The following ASIC2 variants were observed in gnomAD, a reference collection of about 807,000 sequenced individuals.
ASIC2 encodes the protein acid sensing ion channel subunit 2.
Under a neutral mutation model 57.3 loss-of-function variants are expected in ASIC2, and 25 were observed. That is an observed-to-expected ratio of 0.44 (90% confidence interval 0.32 to 0.61). The LOEUF (loss-of-function observed/expected upper bound fraction) is 0.61. Ranked by LOEUF, ASIC2 falls within the 20% of genes least tolerant of loss-of-function variation. The pLI, the probability that ASIC2 is intolerant of heterozygous loss-of-function variation, is 0.06. For synonymous variants in ASIC2, 319 were observed against 307.5 expected (o/e 1.04, Z -0.39); for missense variants, 641 against 738.1 (o/e 0.87, Z 1.52).
chr17:33,261,244 T>A (rs1597655595), intron 1 of ASIC2, among the ~76,000 whole-genome samples: 1 of 152,358 alleles, frequency 6.6e-6, no homozygotes, highest in East Asian at 1.9e-4. Context: ...ACCTACGCTC[T>A]TGAGCAAGAT....
At chr17:33,364,065 G>A (rs889906889) in intron 1 of ASIC2, among the ~76,000 whole-genome samples, 5 of 152,188 alleles carry the variant, frequency 3.3e-5, no homozygotes, top group African/African-American at 1.2e-4. Context: ...GGGAAACTGA[G>A]GCTCAGGGAG....
chr17:33,684,231 C>T (rs188992124), intron 1 of ASIC2, among the ~76,000 whole-genome samples: 9 of 152,264 alleles, frequency 5.9e-5, no homozygotes, highest in African/African-American at 1.9e-4. Context: ...CCTACATCTC[C>T]TGAAAATGCA....
At chr17:34,004,619 TC>T (rs2142017238) in intron 1 of ASIC2, 2 of 152,330 alleles carry the variant, frequency 1.3e-5, no homozygotes, top group South Asian at 4.1e-4. Context: ...AGACACTTAA[TC>T]TCTCTTGGCT....
Position 33,926,358 on chromosome 17 carries a change from T to G in ASIC2, c.555+229620A>C, listed in dbSNP as rs73274547. 3.7e-3 allele frequency among the ~76,000 whole-genome samples: 557 copies of G among 152,308 alleles called. 4 individuals are homozygous for G. Among genetic ancestry groups the G allele is most frequent in the African/African-American group, 0.011 (460 of 41,562 alleles). ...TATTTTGAATTTTGAACTTTTTTTT[T>G]GGGATTTTTGAATACATATTTGCAT... is the stretch of plus-strand genomic sequence containing the variant. On this transcript the variant is annotated intron_variant, in intron 1 of 9. Transcript: ENST00000359872.
intron 1 of ASIC2, among the ~76,000 whole-genome samples, chr17:33,171,424 C>G (rs1018184170): frequency 6.6e-6 from 1 of 152,210 alleles, no homozygotes; most frequent in Non-Finnish European, 1.5e-5. Flanking sequence ...ATCACACATC[C>G]AGTTGCACAA....
chr17:33,062,442 C>G (rs1379552257), intron 3 of ASIC2, among the ~76,000 whole-genome samples: 2 of 152,074 alleles, frequency 1.3e-5, no homozygotes, highest in African/African-American at 2.4e-5. Flanking sequence ...TCAGGAGCAG[C>G]TTGTTCAGTT....
intron 1 of ASIC2, among the ~76,000 whole-genome samples, chr17:33,540,944 T>C (rs894066222): frequency 3.3e-5 from 5 of 152,244 alleles, no homozygotes; most frequent in Non-Finnish European, 5.9e-5. Flanking sequence ...ATGTATATTC[T>C]TGATTTCTCA....
At chr17:33,297,457 G>T (rs1567814791), upstream of ASIC2, among the ~76,000 whole-genome samples, 1 of 152,164 alleles carries the variant, frequency 6.6e-6, no homozygotes, top group Non-Finnish European at 1.5e-5. Context: ...TTGGTGTGCT[G>T]CTTAGAATGC....
chr17:33,298,546 C>T (rs564232915), intron 1 of ASIC2, among the ~76,000 whole-genome samples: 24 of 152,216 alleles, frequency 1.6e-4, no homozygotes, highest in African/African-American at 4.3e-4. Flanking sequence ...TGAATAGTGC[C>T]GCAATAAACA....
chr17:33,232,137 A>T (rs1324239233), intron 1 of ASIC2, among the ~76,000 whole-genome samples: 1 of 152,112 alleles, frequency 6.6e-6, no homozygotes, highest in Non-Finnish European at 1.5e-5. Context: ...GGGATAATTA[A>T]GTTTAGGTCA....
chr17:33,318,023 T>C (rs1201337671), intron 1 of ASIC2, among the ~76,000 whole-genome samples: 1 of 151,980 alleles, frequency 6.6e-6, no homozygotes, highest in Non-Finnish European at 1.5e-5. Context: ...AAAGTCACCG[T>C]CTTTAGGAAA....
At chr17:33,982,394 C>T (rs1407261645) in intron 1 of ASIC2, among the ~76,000 whole-genome samples, 1 of 152,186 alleles carries the variant, frequency 6.6e-6, no homozygotes, top group Non-Finnish European at 1.5e-5. Context: ...CCTGGGGTCA[C>T]CTTGTAACTT....
At chr17:33,428,796 C>T (rs1336062919) in intron 1 of ASIC2, among the ~76,000 whole-genome samples, 3 of 152,194 alleles carry the variant, frequency 2.0e-5, no homozygotes, top group Non-Finnish European at 4.4e-5. Context: ...TCTGTCCAGA[C>T]CACGTTCCTG....
chr17:34,120,830 C>G (rs1449910954), intron 1 of ASIC2, among the ~76,000 whole-genome samples: 1 of 149,656 alleles, frequency 6.7e-6, no homozygotes, highest in Non-Finnish European at 1.5e-5. Context: ...CCTCCACCTC[C>G]CAGGTTCAAG....
At chr17:33,967,842 C>T (rs1905117960) in intron 1 of ASIC2, among the ~76,000 whole-genome samples, 1 of 152,180 alleles carries the variant, frequency 6.6e-6, no homozygotes, top group South Asian at 2.1e-4. Flanking sequence ...TGTAGTTGCA[C>T]AGGGCCCTGT....
intron 1 of ASIC2, among the ~76,000 whole-genome samples, chr17:33,995,718 A>G (rs1906138042): frequency 6.6e-6 from 1 of 152,150 alleles, no homozygotes; most frequent in South Asian, 2.1e-4. Flanking sequence ...CATTGTGTAT[A>G]AATAAAATAC....
intron 1 of ASIC2, among the ~76,000 whole-genome samples, chr17:33,646,632 A>G (rs977462282): frequency 2.6e-5 from 4 of 152,212 alleles, no homozygotes; most frequent in Non-Finnish European, 4.4e-5. Context: ...GGTATTGGAA[A>G]CAGAAATAAC....
chr17:34,085,391 C>T (rs1330597912), intron 1 of ASIC2, among the ~76,000 whole-genome samples: 1 of 152,204 alleles, frequency 6.6e-6, no homozygotes, highest in Non-Finnish European at 1.5e-5. Context: ...ATGAAGCCCA[C>T]TTGATCATGG....
chr17:33,054,250 G>C (rs2091988975), intron 3 of ASIC2, among the ~76,000 whole-genome samples: 1 of 152,054 alleles, frequency 6.6e-6, no homozygotes, highest in Non-Finnish European at 1.5e-5. Context: ...AAGCTTTTTG[G>C]GGAGGTAGGT....
Sources: gnomAD v4.1 joint callset for allele counts (sites outside exome capture counted in the v4.1 genomes callset) on GRCh38, gnomAD v4.1.1 for gene constraint, MANE v1.5 for transcripts, NCBI Gene and HGNC (gene_info 2026-07-23, HGNC 2026-07-21) for gene names.